The following ERCC6 variants were observed in gnomAD, a reference collection of about 807,000 sequenced individuals.
ERCC6 encodes DNA excision repair protein ERCC-6.
Under a neutral mutation model 158.7 loss-of-function variants are expected in ERCC6, and 116 were observed. The observed-to-expected ratio is 0.73, with a 90% CI of 0.63 to 0.85. The LOEUF is 0.85. Among genes scored for constraint, ERCC6 ranks in the 40% least tolerant of loss-of-function variants. The probability of loss-of-function intolerance (pLI) is 0.00; values close to 1 mark genes in which losing one functional copy is unlikely to be tolerated. For missense variants in ERCC6, 1,698 were observed against 1,799.4 expected, an observed-to-expected ratio of 0.94 and a Z score of 1.02; for synonymous variants, 678 against 659.3, an observed-to-expected ratio of 1.03 and a Z score of -0.43.
At chr10:49,461,098 TAAC>T (rs148609302) in intron 19 of ERCC6, among the ~76,000 whole-genome samples, 55 of 152,314 alleles carry the variant, frequency 3.6e-4, no homozygotes, top group Non-Finnish European at 7.4e-4. Context: ...TTACTATTTT[TAAC>T]AACACCATCT....
chr10:49,451,552 A>T (rs1322808934), downstream of ERCC6, among the ~76,000 whole-genome samples: 1 of 152,126 alleles, frequency 6.6e-6, no homozygotes, highest in African/African-American at 2.4e-5. Flanking sequence ...TTTTTATTAT[A>T]TTGATATAAT....
At chr10:49,442,432 C>G in the ERCC6 span, among the ~76,000 whole-genome samples, 1 of 152,192 alleles carries the variant, frequency 6.6e-6, no homozygotes. Flanking sequence ...GTTCCTCAAA[C>G]CAAGGCACAA....
At chr10:49,516,738 C>T (rs1284183531) in intron 5 of ERCC6, 1 of 1,613,986 alleles carries the variant, frequency 6.2e-7, no homozygotes. Flanking sequence ...TGTAACTCTA[C>T]CTGCTACGGG....
intron 8 of ERCC6, among the ~76,000 whole-genome samples, chr10:49,484,315 A>T (rs1851039244): frequency 3.3e-5 from 5 of 151,836 alleles, no homozygotes; most frequent in Non-Finnish European, 7.4e-5. Context: ...AGAAAATGTT[A>T]GAAAACAATC....
chr10:49,458,613 T>C lies in ERCC6; in HGVS notation c.*202A>G. On this transcript the variant is annotated 3_prime_UTR_variant, in exon 21 of 21. Coordinates refer to ENST00000355832, the MANE Select transcript of ERCC6 (RefSeq NM_000124.4). ...AAAAAAAATCAATCCAAGTATTTTC[T>C]CCTTTAGCTAGCATTATTAAAACTT... The C allele has an allele frequency of 1.7e-6, 1 of 589,570 alleles. No individual in the cohort carries two copies. The highest frequency in any genetic ancestry group is 2.9e-6 in the Non-Finnish European group (1 of 340,024). The allele number at this position is 589,570 out of a possible 1,614,324, so 36.5% of individuals were successfully genotyped here. A position where few individuals can be genotyped will look rare whatever the true frequency, so the allele number is the denominator to read the frequency against.
rs529770968 is a variant in ERCC6 at position 49,499,923 on chromosome 10, T to C, written c.1685+615A>G. The stretch of plus-strand genomic sequence containing the variant: ...CGTTTTGGCATTAGAATTTATTACA[T>C]AAAGTTCATAGATTGGGAAGGGCAG... On this transcript the variant is annotated intron_variant, in intron 7 of 20. Transcript: ENST00000355832. 2.0e-5 allele frequency among the ~76,000 whole-genome samples: 3 copies of C among 152,120 alleles called. No homozygotes were observed. In the East Asian group the frequency reaches 5.8e-4, roughly 29 times the overall value.
chr10:49,489,240 A>C (rs1851131160), intron 8 of ERCC6, among the ~76,000 whole-genome samples: 1 of 152,204 alleles, frequency 6.6e-6, no homozygotes, highest in Admixed American at 6.5e-5. Context: ...ATACTGAGTC[A>C]ATCAGCAATG....
At chr10:49,447,761 A>T in the ERCC6 span, among the ~76,000 whole-genome samples, 11 of 151,146 alleles carry the variant, frequency 7.3e-5, no homozygotes, top group Non-Finnish European at 1.5e-4. Flanking sequence ...CCAGCCTCTC[A>T]CAACCATTCA....
At chr10:49,446,698 A>C in the ERCC6 span, among the ~76,000 whole-genome samples, 1 of 152,134 alleles carries the variant, frequency 6.6e-6, no homozygotes, top group Non-Finnish European at 1.5e-5. Flanking sequence ...GGATCACTTG[A>C]GCCCAAGAGT....
chr10:49,474,399 GA>G (rs1205241555), intron 12 of ERCC6, among the ~76,000 whole-genome samples, 157 bp from the exon 13 acceptor site: 2 of 152,130 alleles, frequency 1.3e-5, no homozygotes, highest in Non-Finnish European at 2.9e-5. Flanking sequence ...TGAGCTGGGA[GA>G]AATTAACTTT....
chr10:49,485,249 TG>T (rs750246054), intron 8 of ERCC6, among the ~76,000 whole-genome samples: 1 of 152,186 alleles, frequency 6.6e-6, no homozygotes, highest in Non-Finnish European at 1.5e-5. Flanking sequence ...GGCTTGGAAA[TG>T]GTAACTAATG....
chr10:49,473,293 A>G (rs561475138), intron 14 of ERCC6, among the ~76,000 whole-genome samples, 184 bp downstream of exon 14: 39 of 152,342 alleles, frequency 2.6e-4, no homozygotes, highest in Admixed American at 1.5e-3. Flanking sequence ...ACACATGCCC[A>G]CAATCCCCGC....
intron 12 of ERCC6, among the ~76,000 whole-genome samples, chr10:49,475,765 C>T (rs1427788288): frequency 6.6e-6 from 1 of 152,136 alleles, no homozygotes; most frequent in Non-Finnish European, 1.5e-5. Context: ...TGGTTCCTAA[C>T]ATGGCAATGG....
rs2132537171 is a variant in ERCC6 at position 49,470,495 on chromosome 10, G to GT, written c.3464dup (p.Tyr1155Ter). The change falls in exon 18 of 21, where the codon TAC becomes TAAC. Residue 1155 changes from tyrosine (Y) to a stop codon, truncating the protein, a stop_gained and frameshift_variant. Coordinates refer to ENST00000355832, the MANE Select transcript of ERCC6 (RefSeq NM_000124.4). LOFTEE classifies it high-confidence loss of function. ...GAGCCTGGCTGGGTCTTTCTCTTTT[G>GT]TAAGAAAGACCTAACTTTTCATCAA... ...ESIDEKLGLS[Y>*]KRERPSQAQT... 6.2e-7 allele frequency: 1 copy of GT among 1,614,002 alleles called. No individual in the cohort carries two copies. The highest frequency in any genetic ancestry group is 8.5e-7 in the Non-Finnish European group (1 of 1,179,974).
chr10:49,510,536 G>A (rs756458574), intron 5 of ERCC6, among the ~76,000 whole-genome samples: 7 of 152,036 alleles, frequency 4.6e-5, no homozygotes, highest in African/African-American at 7.2e-5. Context: ...TCCCAATCCC[G>A]TGACATCTTG....
intron 8 of ERCC6, 45 bp from the exon 9 acceptor site, chr10:49,483,561 G>T: frequency 6.4e-7 from 1 of 1,574,660 alleles, no homozygotes; most frequent in Non-Finnish European, 8.7e-7. Flanking sequence ...AATAAGAAGT[G>T]ACACCCTTTC....
intron 1 of ERCC6, among the ~76,000 whole-genome samples, chr10:49,537,809 G>A (rs554096054): frequency 3.9e-5 from 6 of 152,124 alleles, no homozygotes; most frequent in Admixed American, 2.0e-4. Context: ...TGCAACCTCC[G>A]CCTTCCGGGT....
intron 5 of ERCC6, among the ~76,000 whole-genome samples, chr10:49,512,629 C>G (rs1488449642): frequency 6.6e-6 from 1 of 152,168 alleles, no homozygotes; most frequent in Non-Finnish European, 1.5e-5. Context: ...CAGCCCTTAT[C>G]CAAAATGCTT....
intron 19 of ERCC6, among the ~76,000 whole-genome samples, chr10:49,460,858 C>A (rs1422305147): frequency 6.6e-6 from 1 of 151,778 alleles, no homozygotes; most frequent in Non-Finnish European, 1.5e-5. Flanking sequence ...CACTGCACTC[C>A]AGCCCGGGCG....
Sources: allele counts gnomAD v4.1 joint callset (sites outside exome capture counted in the v4.1 genomes callset), GRCh38; gene constraint gnomAD v4.1.1; transcripts MANE v1.5; gene names NCBI Gene and HGNC (gene_info 2026-07-23, HGNC 2026-07-21).